Variants in SOCS6 observed in about 807,000 individuals in gnomAD.
SOCS6 encodes STAT induced STAT inhibitor-4.
Under a neutral mutation model 27.7 loss-of-function variants are expected in SOCS6, and 5 were observed. That is an observed-to-expected ratio of 0.18 (90% CI 0.09 to 0.38). The LOEUF (loss-of-function observed/expected upper bound fraction) is 0.38. Ranked by LOEUF, SOCS6 falls within the 10% of genes least tolerant of loss-of-function variation. SOCS6 has a pLI of 1.00. For synonymous variants in SOCS6, 271 were observed against 260.0 expected, an observed-to-expected ratio of 1.04 and a Z score of -0.41; for missense variants, 595 against 688.1, an observed-to-expected ratio of 0.86 and a Z score of 1.51.
At chr18:70,310,488 T>G (rs2062386474) in intron 1 of SOCS6, among the ~76,000 whole-genome samples, 1 of 147,502 alleles carries the variant, frequency 6.8e-6, no homozygotes, top group African/African-American at 2.5e-5. Flanking sequence ...TTTTTTTTTT[T>G]GCAGAGACAG....
rs1911207714 is a variant in SOCS6, at chr18:70,326,310, A to G, written c.*34A>G. On this transcript the variant is annotated 3_prime_UTR_variant, in exon 2 of 2. Coordinates refer to ENST00000397942, the MANE Select transcript of SOCS6 (RefSeq NM_004232.4). The stretch of plus-strand genomic sequence containing the variant: ...GAACCCTGCATCTTGCACTTTGGGA[A>G]TAAGAACAAGAGATTGAAATACAGT... The G allele has an allele frequency of 2.0e-6, 3 of 1,532,412 alleles. No homozygotes were observed. The highest frequency in any genetic ancestry group is 1.4e-5 in the African/African-American group (1 of 72,234). The allele number at this position is 1,532,412 out of a possible 1,614,324, so 94.9% of individuals were successfully genotyped here. A position where few individuals can be genotyped will look rare whatever the true frequency, so the allele number is the denominator to read the frequency against.
chr18:70,294,328 G>A (rs2062313987), intron 1 of SOCS6, among the ~76,000 whole-genome samples: 1 of 152,030 alleles, frequency 6.6e-6, no homozygotes, highest in South Asian at 2.1e-4. Flanking sequence ...CTGAGTAGGA[G>A]TCCGTTTTTC....
intron 1 of SOCS6, among the ~76,000 whole-genome samples, chr18:70,319,886 CAT>C (rs1262629366): frequency 1.3e-5 from 2 of 152,160 alleles, no homozygotes; most frequent in African/African-American, 2.4e-5. Flanking sequence ...GACAGACACA[CAT>C]GATTATTCCA....
At chr18:70,295,206 G>A (rs965392547) in intron 1 of SOCS6, among the ~76,000 whole-genome samples, 1 of 152,210 alleles carries the variant, frequency 6.6e-6, no homozygotes, top group Admixed American at 6.5e-5. Context: ...AGACAGGAAT[G>A]TATGGCTCCT....
At chr18:70,321,458 T>A (rs1439627707) in intron 1 of SOCS6, among the ~76,000 whole-genome samples, 1 of 149,824 alleles carries the variant, frequency 6.7e-6, no homozygotes, top group African/African-American at 2.5e-5. Flanking sequence ...GTAGCTGGGA[T>A]TACAGGCACA....
Position 70,326,310 on chromosome 18 carries a change from A to C in SOCS6, c.*34A>C. 1 of 1,532,530 alleles carries C rather than the reference A, an allele frequency of 6.5e-7. No homozygotes were observed. Among genetic ancestry groups the C allele is most frequent in the Non-Finnish European group, 8.9e-7 (1 of 1,128,424 alleles). The allele number at this position is 1,532,530 out of a possible 1,614,324, so 94.9% of individuals were successfully genotyped here. A position where few individuals can be genotyped will look rare whatever the true frequency, so the allele number is the denominator to read the frequency against. On this transcript the variant is annotated 3_prime_UTR_variant, in exon 2 of 2. Coordinates refer to ENST00000397942, the MANE Select transcript of SOCS6 (RefSeq NM_004232.4). ...GAACCCTGCATCTTGCACTTTGGGA[A>C]TAAGAACAAGAGATTGAAATACAGT...
intron 1 of SOCS6, among the ~76,000 whole-genome samples, chr18:70,294,070 A>G (rs964036680): frequency 3.3e-5 from 5 of 151,482 alleles, no homozygotes; most frequent in Admixed American, 2.0e-4. Flanking sequence ...CAGCCTGGGC[A>G]ACAGAGCGAG....
intron 1 of SOCS6, among the ~76,000 whole-genome samples, chr18:70,289,757 C>T (rs572102425): frequency 2.6e-5 from 4 of 152,044 alleles, no homozygotes; most frequent in Non-Finnish European, 5.9e-5. Context: ...TGCCGCCGGC[C>T]GGCTGCGCAC....
intron 1 of SOCS6, among the ~76,000 whole-genome samples, chr18:70,308,151 T>G (rs1026202165): frequency 6.6e-6 from 1 of 152,248 alleles, no homozygotes; most frequent in African/African-American, 2.4e-5. Flanking sequence ...GTTGTAGATA[T>G]ATCATTAATT....
At chr18:70,296,921 G>A (rs1205087397) in intron 1 of SOCS6, among the ~76,000 whole-genome samples, 1 of 79,350 alleles carries the variant, frequency 1.3e-5, no homozygotes, top group Admixed American at 1.4e-4. Context: ...TTTTTTTTCT[G>A]TCTTAAGCTC....
chr18:70,300,018 C>T (rs549100519), intron 1 of SOCS6, among the ~76,000 whole-genome samples: 203 of 152,186 alleles, frequency 1.3e-3, no homozygotes, highest in African/African-American at 4.5e-3. Context: ...TGACCGTATA[C>T]GTATAAAGAC....
At chr18:70,319,420 C>T (rs549451290) in intron 1 of SOCS6, among the ~76,000 whole-genome samples, 1 of 152,210 alleles carries the variant, frequency 6.6e-6, no homozygotes, top group East Asian at 1.9e-4. Flanking sequence ...AAGCCTGTGG[C>T]TCTGGTCTGT....
intron 1 of SOCS6, among the ~76,000 whole-genome samples, chr18:70,294,146 T>C (rs1398433424): frequency 6.6e-6 from 1 of 151,956 alleles, no homozygotes; most frequent in Admixed American, 6.6e-5. Flanking sequence ...GTGTATTAAG[T>C]GCCTGAAATA....
Position 70,325,769 on chromosome 18 carries a change from G to A in SOCS6, c.1101G>A (p.Met367Ile). 1 of 1,614,248 alleles carries A rather than the reference G, an allele frequency of 6.2e-7. No homozygotes were observed. Among genetic ancestry groups the A allele is most frequent in the Non-Finnish European group, 8.5e-7 (1 of 1,180,040 alleles). ...VYDSVQSSGP[M>I]VVTSLTEELK... ...ACTCAGTGCAAAGTAGTGGTCCCAT[G>A]GTTGTGACAAGCCTTACAGAGGAGC... The change falls in exon 2 of 2, where the codon ATG (methionine) becomes ATA (isoleucine). Residue 367 changes from methionine (M) to isoleucine (I), a missense_variant. Physicochemically the swap from Met to Ile is conservative, Grantham distance 10. Transcript: ENST00000397942. This position sits in a 1 kb window ranked among gnomAD's most constrained non-coding sequence, Gnocchi z 6.3.
chr18:70,316,644 A>C (rs1475708346), intron 1 of SOCS6, among the ~76,000 whole-genome samples: 1 of 150,760 alleles, frequency 6.6e-6, no homozygotes, highest in South Asian at 2.1e-4. Context: ...TACCATTGTT[A>C]CTCTAGCTTC....
chr18:70,323,987 G>A (rs1911087489), intron 1 of SOCS6, among the ~76,000 whole-genome samples: 1 of 152,104 alleles, frequency 6.6e-6, no homozygotes, highest in African/African-American at 2.4e-5. Context: ...AAGAACAAAA[G>A]GTAGATGCAG....
Position 70,323,028 on chromosome 18 carries a change from C to T in SOCS6, c.-126-1515C>T, listed in dbSNP as rs149608732. ...AGTTATTCATCAATCTGTGTATTGC[C>T]ACACAGGGCTGAGCCAAGCTGACTC... On this transcript the variant is annotated intron_variant, in intron 1 of 1. Transcript: ENST00000397942. 1.7e-3 allele frequency among the ~76,000 whole-genome samples: 262 copies of T among 152,276 alleles called. 3 individuals are homozygous for T. Among genetic ancestry groups the T allele is most frequent in the Middle Eastern group, 0.017 (5 of 294 alleles).
chr18:70,306,496 A>G (rs1047247800), intron 1 of SOCS6, among the ~76,000 whole-genome samples: 14 of 143,652 alleles, frequency 9.7e-5, no homozygotes, highest in East Asian at 2.0e-4. Flanking sequence ...AAAAAAAAAA[A>G]AAAGAAAGAA....
At position 70,327,678 on chromosome 18, in the gene SOCS6, G is replaced by A. The variant is rs1911262485; in HGVS notation, c.*1402G>A. On this transcript the variant is annotated 3_prime_UTR_variant, in exon 2 of 2. Coordinates refer to ENST00000397942, the MANE Select transcript of SOCS6 (RefSeq NM_004232.4). ...GAGTGTTTATTCATTTCACAGTTCT[G>A]CAATGGATGTAGTATTTTGGGATTG... 1 of 166,932 alleles carries A rather than the reference G, an allele frequency of 6.0e-6. No homozygotes were observed. The highest frequency in any genetic ancestry group is 2.1e-4 in the South Asian group (1 of 4,828). The allele number at this position is 166,932 out of a possible 1,614,324, so 10.3% of individuals were successfully genotyped here.
Sources: allele counts gnomAD v4.1 joint callset (sites outside exome capture counted in the v4.1 genomes callset), GRCh38; gene constraint gnomAD v4.1.1; non-coding constraint Gnocchi (gnomAD v3.1); transcripts MANE v1.5; gene names NCBI Gene and HGNC (gene_info 2026-07-23, HGNC 2026-07-21).